The following SGMS1 variants were observed in gnomAD, a reference collection of about 807,000 sequenced individuals.
SGMS1 encodes sphingomyelin synthase 1.
Under a neutral mutation model 46.2 loss-of-function variants are expected in SGMS1, and 13 were observed. The ratio of observed to expected loss-of-function variants is 0.28; its 90% CI spans 0.18 to 0.45. SGMS1 has a LOEUF of 0.45. Ranked by LOEUF, SGMS1 falls within the 20% of genes least tolerant of loss-of-function variation. The pLI is 1.00. For synonymous variants in SGMS1, 203 were observed against 187.8 expected, an observed-to-expected ratio of 1.08 and a Z score of -0.66; for missense variants, 324 against 519.9, an observed-to-expected ratio of 0.62 and a Z score of 3.66.
chr10:50,595,132 T>A (rs1838578419), intron 1 of SGMS1, among the ~76,000 whole-genome samples: 1 of 152,100 alleles, frequency 6.6e-6, no homozygotes, highest in East Asian at 1.9e-4. Context: ...TTAATAAGCA[T>A]CTACAATGTC....
rs902602573 is a variant in SGMS1 at position 50,549,109 on chromosome 10, G to C, written c.-588-29188C>G. The stretch of plus-strand genomic sequence containing the variant: ...ATACTGTTGGTGGGAAGGTAAATTA[G>C]TCCAACCATTGTGGAAGACAGTGTG... On this transcript the variant is annotated intron_variant, in intron 2 of 10. Transcript: ENST00000361781. Among the ~76,000 whole-genome samples the C allele has an allele frequency of 1.1e-4, 16 of 152,202 alleles. No homozygotes were observed. In the East Asian group the frequency reaches 2.7e-3, roughly 26 times the overall value.
At chr10:50,329,791 C>G (rs1847589052) in intron 7 of SGMS1, among the ~76,000 whole-genome samples, 1 of 152,208 alleles carries the variant, frequency 6.6e-6, no homozygotes, top group African/African-American at 2.4e-5. Context: ...GGATACACCT[C>G]TCCTTCCACA....
At chr10:50,621,533 T>C (rs753572613) in intron 1 of SGMS1, among the ~76,000 whole-genome samples, 2 of 152,240 alleles carry the variant, frequency 1.3e-5, no homozygotes, top group Non-Finnish European at 2.9e-5. Context: ...GAAGAATTTT[T>C]AAAATTTCAG....
intron 6 of SGMS1, among the ~76,000 whole-genome samples, chr10:50,426,110 ATTG>A (rs1344579555): frequency 8.5e-5 from 13 of 152,354 alleles, no homozygotes; most frequent in African/African-American, 2.9e-4. Context: ...GCTGTAGCAC[ATTG>A]TTAAGTGGAT....
At chr10:50,597,729 C>T (rs1166211821) in intron 1 of SGMS1, among the ~76,000 whole-genome samples, 1 of 151,924 alleles carries the variant, frequency 6.6e-6, no homozygotes, top group Non-Finnish European at 1.5e-5. Context: ...ATTCACAGAA[C>T]TGGCCGGGCG....
chr10:50,307,000 G>A lies in SGMS1; in HGVS notation c.*142C>T. The A allele has an allele frequency of 2.5e-6, 2 of 812,638 alleles. No homozygotes were observed. Among genetic ancestry groups the A allele is most frequent in the Admixed American group, 2.9e-5 (1 of 34,356 alleles). 50.3% of individuals were successfully genotyped at this position (812,638 alleles called of 1,614,324 possible). A position where few individuals can be genotyped will look rare whatever the true frequency, so the allele number is the denominator to read the frequency against. On this transcript the variant is annotated 3_prime_UTR_variant, in exon 11 of 11. Coordinates refer to ENST00000361781, the MANE Select transcript of SGMS1 (RefSeq NM_147156.4). ...TTTGGAGAGAAAAAAAGATCACAGT[G>A]CTGACCAGGTAACTCAATAGGTTAA...
chr10:50,404,589 G>A (rs199751330), intron 6 of SGMS1, among the ~76,000 whole-genome samples: 3 of 152,134 alleles, frequency 2.0e-5, no homozygotes, highest in Non-Finnish European at 2.9e-5. Flanking sequence ...GGTGAAGAGC[G>A]AGACCCTGTC....
chr10:50,313,240 A>G (rs1447056857), intron 8 of SGMS1, among the ~76,000 whole-genome samples: 2 of 152,214 alleles, frequency 1.3e-5, no homozygotes, highest in African/African-American at 4.8e-5. Flanking sequence ...GGTAGGGATC[A>G]TGAAGGAGGA....
intron 6 of SGMS1, among the ~76,000 whole-genome samples, chr10:50,355,247 G>A (rs1848122108): frequency 1.3e-5 from 2 of 152,196 alleles, no homozygotes; most frequent in Non-Finnish European, 1.5e-5. Flanking sequence ...TATACACCAT[G>A]GAATACTATG....
In SGMS1 at chr10:50,555,644, C is replaced by G. The variant is rs1838183945; in HGVS notation, c.-589+34509G>C. Reference sequence around the variant, plus strand: ...GTTAGTGACTCAAGGTACTGAGAAGCTAACTAAGTATTCAGACCTTCAGAA... The same window carrying G: ...GTTAGTGACTCAAGGTACTGAGAAGGTAACTAAGTATTCAGACCTTCAGAA... On this transcript the variant is annotated intron_variant, in intron 2 of 10. Coordinates refer to ENST00000361781, the MANE Select transcript of SGMS1 (RefSeq NM_147156.4). 3.9e-5 allele frequency among the ~76,000 whole-genome samples: 6 copies of G among 152,334 alleles called. No homozygotes were observed. The South Asian group carries it at 1.2e-3, about 32-fold the overall frequency.
intron 8 of SGMS1, among the ~76,000 whole-genome samples, chr10:50,311,616 C>T (rs753339644): frequency 6.8e-4 from 104 of 152,274 alleles, no homozygotes; most frequent in Middle Eastern, 3.4e-3. Flanking sequence ...AAATGAATCA[C>T]GTGGCTTCAG....
chr10:50,517,425 A>C (rs1342731920), intron 3 of SGMS1, among the ~76,000 whole-genome samples: 1 of 152,242 alleles, frequency 6.6e-6, no homozygotes, highest in Non-Finnish European at 1.5e-5. Flanking sequence ...TAGGCTAAAC[A>C]GAAGAGCCAA....
At chr10:50,368,444 C>T (rs1450543748) in intron 6 of SGMS1, among the ~76,000 whole-genome samples, 1 of 152,204 alleles carries the variant, frequency 6.6e-6, no homozygotes, top group African/African-American at 2.4e-5. Context: ...GCAACCCCTG[C>T]CTCTCGGGTT....
intron 2 of SGMS1, among the ~76,000 whole-genome samples, chr10:50,580,771 G>A (rs1212035408): frequency 6.6e-6 from 1 of 152,152 alleles, no homozygotes; most frequent in Non-Finnish European, 1.5e-5. Flanking sequence ...GAGAGAAGGG[G>A]AGTTGTTTAA....
intron 4 of SGMS1, among the ~76,000 whole-genome samples, chr10:50,461,950 C>T (rs191202804): frequency 6.6e-6 from 1 of 152,218 alleles, no homozygotes; most frequent in Admixed American, 6.5e-5. Flanking sequence ...TCAACTGAAA[C>T]AGCAATAAAA....
Position 50,311,275 on chromosome 10 carries a change from T to C in SGMS1, c.882A>G (p.Leu294=). 6.2e-7 allele frequency: 1 copy of C among 1,613,014 alleles called. No individual in the cohort carries two copies. Among genetic ancestry groups the C allele is most frequent in the Non-Finnish European group, 8.5e-7 (1 of 1,179,506 alleles). ...GHTVMLTLTY[L]FIKEYSPRRL... Reference sequence around the variant, plus strand: ...TTTTAGACTTACACTCTTTGATAAATAAGTAGGTAAGTGTTAGCATGACCG... The same window carrying C: ...TTTTAGACTTACACTCTTTGATAAACAAGTAGGTAAGTGTTAGCATGACCG... Residue 294 remains leucine (L), a synonymous_variant, in exon 9 of 11, where the codon TTA becomes TTG. Coordinates refer to ENST00000361781, the MANE Select transcript of SGMS1 (RefSeq NM_147156.4).
chr10:50,320,934 T>C (rs1847431631), intron 8 of SGMS1, among the ~76,000 whole-genome samples: 1 of 152,190 alleles, frequency 6.6e-6, no homozygotes, highest in Non-Finnish European at 1.5e-5. Flanking sequence ...GGGGATTACA[T>C]TTCTGTCTCT....
At chr10:50,418,115 G>A (rs1413283335) in intron 6 of SGMS1, 2 of 152,220 alleles carry the variant, frequency 1.3e-5, no homozygotes, top group Non-Finnish European at 2.9e-5. Flanking sequence ...GGGGCACCAA[G>A]TTTGCGCGCG....
At chr10:50,440,903 C>A (rs923409601) in intron 5 of SGMS1, among the ~76,000 whole-genome samples, 33 of 152,222 alleles carry the variant, frequency 2.2e-4, no homozygotes, top group African/African-American at 8.0e-4. Context: ...AGCCACCATG[C>A]CCAACCTAGG....
Sources: gnomAD v4.1 joint callset for allele counts (sites outside exome capture counted in the v4.1 genomes callset) on GRCh38, gnomAD v4.1.1 for gene constraint, MANE v1.5 for transcripts, NCBI Gene and HGNC (gene_info 2026-07-23, HGNC 2026-07-21) for gene names.